The following DNAH3 variants were observed in gnomAD, a reference collection of about 807,000 sequenced individuals.
DNAH3 encodes the protein axonemal beta dynein heavy chain 3.
DNAH3 carries 332 observed loss-of-function variants against 432.5 expected under a neutral mutation model. That is an observed-to-expected ratio of 0.77 (90% CI 0.70 to 0.84). DNAH3 has a LOEUF of 0.84. Ranked by LOEUF, DNAH3 falls within the 40% of genes least tolerant of loss-of-function variation. DNAH3 has a pLI of 0.00. For synonymous variants in DNAH3, 1,956 were observed against 1,900.2 expected, an observed-to-expected ratio of 1.03 and a Z score of -0.76; for missense variants, 4,861 against 5,114.0, an observed-to-expected ratio of 0.95 and a Z score of 1.51.
chr16:21,031,357 C>A lies in DNAH3; in HGVS notation c.5198-71G>T. 1.9e-6 allele frequency: 3 copies of A among 1,569,022 alleles called. No individual in the cohort carries two copies. In the South Asian group the frequency reaches 3.5e-5, roughly 18 times the overall value. Reference sequence around the variant, plus strand: ...CAGAAGGTTAAACAAGAGATGATGTCATCTCAACAACCAATCAACTTTTAT... The same window carrying A: ...CAGAAGGTTAAACAAGAGATGATGTAATCTCAACAACCAATCAACTTTTAT... On this transcript the variant is annotated intron_variant, in intron 36 of 61. Coordinates refer to ENST00000261383, the Ensembl canonical transcript of DNAH3.
chr16:21,145,254 A>G (rs757417445), exon 3 of DNAH3: 9 of 1,613,902 alleles, frequency 5.6e-6, no homozygotes, highest in Non-Finnish European at 7.6e-6. Context: ...CCTTCAGCAG[A>G]TCTTTCAGCT....
intron 41 of DNAH3, among the ~76,000 whole-genome samples, chr16:21,006,063 T>C (rs1813394500): frequency 1.3e-5 from 2 of 152,330 alleles, no homozygotes; most frequent in East Asian, 1.9e-4. Context: ...TACTATTGAT[T>C]GGAGTTCTTA....
chr16:20,939,409 C>T (rs1444047734), intron 59 of DNAH3, among the ~76,000 whole-genome samples: 1 of 152,054 alleles, frequency 6.6e-6, no homozygotes, highest in Non-Finnish European at 1.5e-5. Context: ...GTCAGGAGTT[C>T]GAGACCAGCC....
chr16:21,105,721 G>A (rs1055288468), intron 15 of DNAH3, among the ~76,000 whole-genome samples: 2 of 151,874 alleles, frequency 1.3e-5, no homozygotes, highest in African/African-American at 4.8e-5. Context: ...AGCCGAGGGT[G>A]GCACTGCACT....
intron 49 of DNAH3, among the ~76,000 whole-genome samples, chr16:20,981,976 CATAT>C (rs961927076): frequency 5.5e-5 from 8 of 144,442 alleles, no homozygotes; most frequent in South Asian, 2.2e-4. Context: ...TATAATAAAG[CATAT>C]ATATAAAGCA....
chr16:21,150,528 G>T (rs2092840734), intron 1 of DNAH3: 1 of 230,142 alleles, frequency 4.3e-6, no homozygotes, highest in Non-Finnish European at 8.8e-6. Context: ...GCCCGCTGAG[G>T]AGTTCCCTGG....
intron 1 of DNAH3, among the ~76,000 whole-genome samples, chr16:21,157,078 C>T (rs767216186): frequency 1.7e-4 from 26 of 151,850 alleles, no homozygotes; most frequent in African/African-American, 1.2e-4. Flanking sequence ...AAGTGCATGA[C>T]GCCAGACAAG....
chr16:20,988,120 G>A lies in DNAH3; in HGVS notation c.6602-55C>T, dbSNP rs376211311. On this transcript the variant is annotated intron_variant, in intron 44 of 61. Coordinates refer to ENST00000261383, the Ensembl canonical transcript of DNAH3. Reference sequence around the variant, plus strand: ...CCTGGAAAACACATATTCTCACACTGTCTGTGACCCTAGGATGCACACGAG... The same window carrying A: ...CCTGGAAAACACATATTCTCACACTATCTGTGACCCTAGGATGCACACGAG... 8.1e-6 allele frequency: 13 copies of A among 1,603,220 alleles called. No individual in the cohort carries two copies. In the East Asian group the frequency reaches 1.3e-4, roughly 17 times the overall value.
At chr16:21,100,570 G>A (rs2091812234) in intron 16 of DNAH3, among the ~76,000 whole-genome samples, 1 of 152,224 alleles carries the variant, frequency 6.6e-6, no homozygotes, top group African/African-American at 2.4e-5. Context: ...AATGTCGGGT[G>A]CTCTCCCTAA....
At chr16:21,137,189 C>T (rs923667960) in intron 5 of DNAH3, among the ~76,000 whole-genome samples, 10 of 151,166 alleles carry the variant, frequency 6.6e-5, no homozygotes, top group African/African-American at 2.2e-4. Context: ...ATTTACCCCC[C>T]GGAAGCTTTC....
chr16:20,963,305 G>A, exon 53 of DNAH3: 1 of 1,613,862 alleles, frequency 6.2e-7, no homozygotes, highest in Non-Finnish European at 8.5e-7. Context: ...TCTGCACTTG[G>A]AGACAACACA....
At position 20,964,191 on chromosome 16, in the gene DNAH3, G is replaced by C. The variant is rs1228154334; in HGVS notation, c.9693C>G (p.Asn3231Lys). ...CTTCAATTTCCTTGAGATGCTTCTT[G>C]TTCTTGGCACTTTCCACAATCAACT... The change falls in exon 53 of 62, where the codon AAC (asparagine) becomes AAG (lysine). Residue 3231 changes from asparagine to lysine, a missense_variant. By Grantham distance (94) the Asn-to-Lys change is moderately conservative (BLOSUM62 0). Coordinates refer to ENST00000261383, the Ensembl canonical transcript of DNAH3. 5 of 1,614,092 alleles carry C rather than the reference G, an allele frequency of 3.1e-6. No individual in the cohort carries two copies. The highest frequency in any genetic ancestry group is 4.2e-6 in the Non-Finnish European group (5 of 1,180,022).
At chr16:21,032,891 A>G (rs2088960024) in intron 36 of DNAH3, among the ~76,000 whole-genome samples, 1 of 152,116 alleles carries the variant, frequency 6.6e-6, no homozygotes, top group African/African-American at 2.4e-5. Flanking sequence ...TTCTTAAGGT[A>G]TATTAAAATG....
chr16:21,155,846 T>C (rs1318856887), intron 1 of DNAH3, among the ~76,000 whole-genome samples: 1 of 152,198 alleles, frequency 6.6e-6, no homozygotes, highest in Non-Finnish European at 1.5e-5. Flanking sequence ...GGTCTTAATC[T>C]GTTGCTAAAA....
chr16:21,136,463 A>C, exon 6 of DNAH3: 1 of 1,614,132 alleles, frequency 6.2e-7, no homozygotes, highest in Admixed American at 1.7e-5. Context: ...CACCCTCCTC[A>C]GGGGCAATCA....
At chr16:20,958,763 C>G (rs2084682830) in intron 54 of DNAH3, among the ~76,000 whole-genome samples, 1 of 152,108 alleles carries the variant, frequency 6.6e-6, no homozygotes, top group East Asian at 1.9e-4. Flanking sequence ...TTCTGCTATA[C>G]TGAAGAGCTT....
At chr16:20,962,545 T>A (rs2084874260) in intron 53 of DNAH3, among the ~76,000 whole-genome samples, 1 of 152,190 alleles carries the variant, frequency 6.6e-6, no homozygotes, top group Admixed American at 6.5e-5. Context: ...CCCAGATCTG[T>A]CTTTATCAGA....
intron 12 of DNAH3, among the ~76,000 whole-genome samples, chr16:21,116,273 T>C (rs998152487): frequency 1.3e-5 from 2 of 151,954 alleles, no homozygotes; most frequent in Non-Finnish European, 2.9e-5. Flanking sequence ...CCAAATTTCA[T>C]CTTGAATTGT....
At chr16:20,946,985 C>A (rs924602820) in intron 57 of DNAH3, among the ~76,000 whole-genome samples, 3 of 151,710 alleles carry the variant, frequency 2.0e-5, no homozygotes, top group Admixed American at 6.6e-5. Flanking sequence ...CCATCACACC[C>A]GGCTAATTTT....
Sources: allele counts gnomAD v4.1 joint callset (sites outside exome capture counted in the v4.1 genomes callset), GRCh38; gene constraint gnomAD v4.1.1; transcripts MANE v1.5; gene names NCBI Gene and HGNC (gene_info 2026-07-23, HGNC 2026-07-21).